The following PLEKHA7 variants were observed in gnomAD, a reference collection of about 807,000 sequenced individuals.
PLEKHA7 encodes the protein pleckstrin homology domain-containing family A member 7.
In PLEKHA7, 104 loss-of-function variants were observed where a neutral mutation model predicts 170.0. The observed-to-expected ratio is 0.61, with a 90% CI of 0.52 to 0.72. The LOEUF (loss-of-function observed/expected upper bound fraction) is 0.72, where lower values mean the gene tolerates loss of function less well. Ranked by LOEUF, PLEKHA7 falls within the 30% of genes least tolerant of loss-of-function variation. The probability of loss-of-function intolerance (pLI) is 0.00; values close to 1 mark genes in which losing one functional copy is unlikely to be tolerated. For synonymous variants in PLEKHA7, 648 were observed against 660.8 expected, an observed-to-expected ratio of 0.98 and a Z score of 0.30; for missense variants, 1,615 against 1,671.7, an observed-to-expected ratio of 0.97 and a Z score of 0.59.
At position 16,826,134 on chromosome 11, in the gene PLEKHA7, T is replaced by C. The variant is rs1850619978; in HGVS notation, c.1329A>G (p.Lys443=). The change falls in exon 10 of 27, where the codon AAA becomes AAG. Residue 443 remains lysine, a synonymous_variant. Coordinates refer to ENST00000531066, the MANE Select transcript of PLEKHA7 (RefSeq NM_001329630.2). ...CTATTACTCACCTCCTGCTATCCCC[T>C]TTCTGGGCCCTTGCCCAGTGCTCCA... ...AQVEHWARAQ[K]GDSRSLPLDQ... The C allele has an allele frequency of 1.2e-6, 2 of 1,614,078 alleles. No homozygotes were observed. The highest frequency in any genetic ancestry group is 3.3e-5 in the Admixed American group (2 of 60,022).
chr11:16,789,310 G>A lies in PLEKHA7; in HGVS notation c.3157-14C>T, dbSNP rs764014898. The A allele has an allele frequency of 3.1e-6, 5 of 1,611,850 alleles. No homozygotes were observed. The East Asian group carries it at 1.1e-4, about 36-fold the overall frequency. Reference sequence around the variant, plus strand: ...ACTCTTAGGTCTCTGAGGAAGAGGAGGCAGGCAAGAGAGACACAGAACAGC... The same window carrying A: ...ACTCTTAGGTCTCTGAGGAAGAGGAAGCAGGCAAGAGAGACACAGAACAGC... On this transcript the variant is annotated splice_polypyrimidine_tract_variant and intron_variant, in intron 22 of 26. Coordinates refer to ENST00000531066, the MANE Select transcript of PLEKHA7 (RefSeq NM_001329630.2). The surrounding 1 kb of genome is among the most constrained non-coding windows in gnomAD (Gnocchi z 4.6).
At chr11:16,876,365 C>A (rs186826316) in intron 3 of PLEKHA7, among the ~76,000 whole-genome samples, 94 of 152,292 alleles carry the variant, frequency 6.2e-4, no homozygotes, top group African/African-American at 2.1e-3. Flanking sequence ...TCTCTTCAGG[C>A]TACTGAGAAA....
intron 5 of PLEKHA7, 52 bp from the exon 6 acceptor site, chr11:16,855,045 A>C: frequency 6.6e-7 from 1 of 1,515,194 alleles, no homozygotes; most frequent in Non-Finnish European, 9.2e-7. Context: ...GGTGACACAA[A>C]AAAGCACTTG....
At chr11:16,871,027 G>A (rs1001548677) in intron 4 of PLEKHA7, 72 bp downstream of exon 4, 1 of 1,245,036 alleles carries the variant, frequency 8.0e-7, no homozygotes, top group South Asian at 1.2e-5. Flanking sequence ...AGTCCAGTAA[G>A]TTTTGTTTTC....
rs1306666260 is a variant in PLEKHA7, at chr11:16,783,798, G to C, written c.3552C>G (p.Arg1184=). The C allele has an allele frequency of 5.9e-6, 9 of 1,512,644 alleles. No individual in the cohort carries two copies. The highest frequency in any genetic ancestry group is 2.1e-5 in the Admixed American group (1 of 47,632). 93.7% of individuals were successfully genotyped at this position (1,512,644 alleles called of 1,614,324 possible). ...SKPEKVSIPE[R]YVELDPEEPP... ...GCTCTTCGGGATCTAGCTCCACGTA[G>C]CGCTCAGGGATTGACACCTTCTCTG... Residue 1184 remains arginine (R), a synonymous_variant, in exon 25 of 27, where the codon CGC becomes CGG. Transcript: ENST00000531066.
intron 3 of PLEKHA7, among the ~76,000 whole-genome samples, chr11:16,906,937 G>A (rs543233347): frequency 1.4e-5 from 2 of 146,132 alleles, no homozygotes; most frequent in South Asian, 4.5e-4. Flanking sequence ...CTGCCCTGCC[G>A]CCCCGTCTGG....
intron 9 of PLEKHA7, among the ~76,000 whole-genome samples, chr11:16,830,504 C>T (rs781466472): frequency 4.7e-4 from 72 of 152,208 alleles, no homozygotes; most frequent in Non-Finnish European, 9.0e-4. Context: ...TTGTTATTCA[C>T]ACTCCAAAGA....
chr11:17,008,058 T>G (rs973296898), intron 3 of PLEKHA7, among the ~76,000 whole-genome samples: 3 of 152,248 alleles, frequency 2.0e-5, no homozygotes, highest in African/African-American at 4.8e-5. Context: ...AGGACCTGCT[T>G]CAGGTCCTAG....
chr11:16,883,236 G>C (rs1047819464), intron 3 of PLEKHA7, among the ~76,000 whole-genome samples: 2 of 152,136 alleles, frequency 1.3e-5, no homozygotes, highest in African/African-American at 4.8e-5. Flanking sequence ...GGCAAGCTTC[G>C]AAGACTCACA....
At chr11:16,779,259 C>G (rs533233253) in intron 26 of PLEKHA7, among the ~76,000 whole-genome samples, 1 of 152,202 alleles carries the variant, frequency 6.6e-6, no homozygotes, top group Non-Finnish European at 1.5e-5. Flanking sequence ...GTCCCCATCC[C>G]GACAGGGCAA....
intron 3 of PLEKHA7, among the ~76,000 whole-genome samples, chr11:16,872,091 C>T (rs1854904943): frequency 6.6e-6 from 1 of 151,740 alleles, no homozygotes. Context: ...GCTTCAGCCT[C>T]CCAAGTAGCT....
At chr11:16,809,099 C>T (rs1849183849) in intron 13 of PLEKHA7, among the ~76,000 whole-genome samples, 1 of 152,176 alleles carries the variant, frequency 6.6e-6, no homozygotes, top group African/African-American at 2.4e-5. Flanking sequence ...CAATGTGAGT[C>T]CTTTTCACCC....
chr11:16,988,036 T>C (rs756374143), intron 3 of PLEKHA7, among the ~76,000 whole-genome samples: 2 of 152,200 alleles, frequency 1.3e-5, no homozygotes, highest in Non-Finnish European at 2.9e-5. Context: ...TAATAACCAG[T>C]GTCTGTACCC....
chr11:17,002,809 A>G (rs1864747762), intron 3 of PLEKHA7, among the ~76,000 whole-genome samples: 1 of 151,942 alleles, frequency 6.6e-6, no homozygotes. Context: ...AAAGAGGTAA[A>G]CCAGGGGCCA....
intron 3 of PLEKHA7, among the ~76,000 whole-genome samples, chr11:16,880,146 C>T (rs745542484): frequency 3.3e-5 from 5 of 152,156 alleles, no homozygotes; most frequent in African/African-American, 4.8e-5. Flanking sequence ...TACCAGCTAG[C>T]TCTACAGCCC....
chr11:16,832,437 C>A (rs1474539498), intron 9 of PLEKHA7, among the ~76,000 whole-genome samples: 1 of 152,172 alleles, frequency 6.6e-6, no homozygotes, highest in Admixed American at 6.5e-5. Flanking sequence ...GAGCACATAC[C>A]TCAGACTGGC....
At chr11:16,843,121 T>C (rs1275433344) in intron 8 of PLEKHA7, among the ~76,000 whole-genome samples, 4 of 152,236 alleles carry the variant, frequency 2.6e-5, no homozygotes. Flanking sequence ...ACATAGTAGA[T>C]GCTCAATAAA....
At chr11:16,909,448 G>C (rs1339673877) in intron 3 of PLEKHA7, among the ~76,000 whole-genome samples, 2 of 152,204 alleles carry the variant, frequency 1.3e-5, no homozygotes, top group Non-Finnish European at 2.9e-5. Context: ...CAGTTTCACA[G>C]GGCCTGCATG....
At chr11:16,856,361 G>A (rs761792270) in intron 4 of PLEKHA7, among the ~76,000 whole-genome samples, 7 of 152,090 alleles carry the variant, frequency 4.6e-5, no homozygotes, top group Admixed American at 1.3e-4. Context: ...AATCACTTGC[G>A]CACACAACCA....
Sources: gnomAD v4.1 joint callset for allele counts (sites outside exome capture counted in the v4.1 genomes callset) on GRCh38, gnomAD v4.1.1 for gene constraint, Gnocchi (gnomAD v3.1) non-coding constraint, MANE v1.5 for transcripts, NCBI Gene and HGNC (gene_info 2026-07-23, HGNC 2026-07-21) for gene names.